The following UNC80 variants were observed in gnomAD, a reference collection of about 807,000 sequenced individuals.
The protein encoded by UNC80 is unc-80 subunit of NALCN channel complex.
UNC80 carries 164 observed loss-of-function variants against 384.6 expected under a neutral mutation model. That is an observed-to-expected ratio of 0.43 (90% CI 0.38 to 0.49). The LOEUF is 0.49. Ranked by LOEUF, UNC80 falls within the 20% of genes least tolerant of loss-of-function variation. The pLI is 0.00. For synonymous variants in UNC80, 1,486 were observed against 1,527.8 expected (o/e 0.97, Z 0.64); for missense variants, 3,330 against 4,143.0 (o/e 0.80, Z 5.39).
intron 14 of UNC80, among the ~76,000 whole-genome samples, chr2:209,827,545 T>C (rs2080629189): frequency 6.6e-6 from 1 of 152,152 alleles, no homozygotes; most frequent in Admixed American, 6.6e-5. Flanking sequence ...GTTCTGCCTG[T>C]CTAATCAATT....
At chr2:209,995,270 A>T in intron 64 of UNC80, 59 bp from the exon 65 acceptor site, 8 of 1,523,690 alleles carry the variant, frequency 5.3e-6, no homozygotes, top group Admixed American at 4.2e-5. Context: ...ACATTTTTTG[A>T]TGTTCTTCTC....
intron 48 of UNC80, 73 bp downstream of exon 48, chr2:209,954,343 A>G (rs1459729220): frequency 6.7e-6 from 9 of 1,346,104 alleles, no homozygotes; most frequent in Non-Finnish European, 8.7e-6. Flanking sequence ...ATAAGAAAAA[A>G]ATGTGATGGA....
chr2:209,813,487 A>G, intron 7 of UNC80, 93 bp from the exon 8 acceptor site: 1 of 1,331,684 alleles, frequency 7.5e-7, no homozygotes, highest in East Asian at 2.5e-5. Context: ...GAATAACTAA[A>G]CAAATGAGAA....
At chr2:209,916,285 C>A (rs542104834) in intron 31 of UNC80, among the ~76,000 whole-genome samples, 1 of 152,230 alleles carries the variant, frequency 6.6e-6, no homozygotes, top group East Asian at 1.9e-4. Flanking sequence ...GGAAGAAGCC[C>A]AGCCAGAAAA....
Position 209,820,583 on chromosome 2 carries a change from A to G in UNC80, c.2235A>G (p.Gly745=), listed in dbSNP as rs1234228593. ...CTGGAGATGGTGGAGGAGAAGAAGG[A>G]GGAGGTGGAGATGGAGGAGGTGGAG... The part of the protein sequence containing the change: ...SGAGDGGGEE[G]GGGDGGGGGG... Residue 745 remains glycine (G), a synonymous_variant, in exon 13 of 65, where the codon GGA becomes GGG. Coordinates refer to ENST00000673920, the MANE Select transcript of UNC80 (RefSeq NM_001371986.1). The G allele has an allele frequency of 6.4e-7, 1 of 1,550,914 alleles. No individual in the cohort carries two copies. Among genetic ancestry groups the G allele is most frequent in the Admixed American group, 2.0e-5 (1 of 50,896 alleles).
intron 47 of UNC80, 82 bp from the exon 48 acceptor site, chr2:209,954,018 A>C: frequency 7.1e-7 from 1 of 1,402,996 alleles, no homozygotes; most frequent in Non-Finnish European, 9.4e-7. Context: ...GATGCTTTTC[A>C]TTGTTCTATG....
At chr2:209,822,422 A>G (rs922422339) in intron 13 of UNC80, among the ~76,000 whole-genome samples, 2 of 152,206 alleles carry the variant, frequency 1.3e-5, no homozygotes, top group Admixed American at 1.3e-4. Flanking sequence ...AATACAAGTT[A>G]TAAGGCCCAA....
intron 59 of UNC80, among the ~76,000 whole-genome samples, chr2:209,981,589 CA>C (rs72544091): frequency 2.1e-5 from 1 of 47,666 alleles, no homozygotes; most frequent in Non-Finnish European, 5.5e-5. Flanking sequence ...AAACAAAAAA[CA>C]AACAAACCAA....
chr2:209,894,861 C>T lies in UNC80; in HGVS notation c.4480+495C>T, dbSNP rs181750149. Among the ~76,000 whole-genome samples, 250 of 152,278 alleles carry T rather than the reference C, an allele frequency of 1.6e-3. 1 individual carries two copies. The highest frequency in any genetic ancestry group is 5.8e-3 in the African/African-American group (241 of 41,558). ...CTCTATATTTTAAAGTCTCTATTTA[C>T]CAGTATGAACAACCAAAATCTCAGA... On this transcript the variant is annotated intron_variant, in intron 27 of 64. Coordinates refer to ENST00000673920, the MANE Select transcript of UNC80 (RefSeq NM_001371986.1).
Position 209,976,992 on chromosome 2 carries a change from T to A in UNC80, c.8852T>A (p.Ile2951Lys). Residue 2951 changes from isoleucine (I) to lysine (K), a missense_variant, in exon 58 of 65, where the codon ATA (isoleucine) becomes AAA (lysine). Coordinates refer to ENST00000673920, the MANE Select transcript of UNC80 (RefSeq NM_001371986.1). This position sits in a 1 kb window ranked among gnomAD's most constrained non-coding sequence, Gnocchi z 4.3. ...HIADQLERRF[I>K]PRPLCKSSLI... Reference sequence around the variant, plus strand: ...GCCGACCAGCTGGAGCGGCGCTTCATACCACGCCCTTTGTGTAAGAGCTCG... The same window carrying A: ...GCCGACCAGCTGGAGCGGCGCTTCAAACCACGCCCTTTGTGTAAGAGCTCG... 6.5e-7 allele frequency: 1 copy of A among 1,539,446 alleles called. No individual in the cohort carries two copies. Among genetic ancestry groups the A allele is most frequent in the South Asian group, 1.2e-5 (1 of 83,554 alleles).
In UNC80 at chr2:209,995,783, G is replaced by C. The variant is rs1296879919; in HGVS notation, c.*188G>C. ...TTCATAAACATCTTAAAAGTCAATGGCTAAAAGGATTTAGTTGTGTGAAAA... is the reference window on the plus strand; with the variant it reads ...TTCATAAACATCTTAAAAGTCAATGCCTAAAAGGATTTAGTTGTGTGAAAA... On this transcript the variant is annotated 3_prime_UTR_variant, in exon 65 of 65. Coordinates refer to ENST00000673920, the MANE Select transcript of UNC80 (RefSeq NM_001371986.1). The C allele has an allele frequency of 1.6e-6, 1 of 645,080 alleles. No individual in the cohort carries two copies. The highest frequency in any genetic ancestry group is 2.5e-6 in the Non-Finnish European group (1 of 392,808). The allele number at this position is 645,080 out of a possible 1,614,324, so 40.0% of individuals were successfully genotyped here. A position where few individuals can be genotyped will look rare whatever the true frequency, so the allele number is the denominator to read the frequency against.
In UNC80 at chr2:209,813,975, C is replaced by G. The variant is rs2079547773; in HGVS notation, c.1200+134C>G. ...TGGTGGGTTACACTGTTTCTATTAT[C>G]TTTTCCCTTCCATCTTGCATGCTTG... On this transcript the variant is annotated intron_variant, in intron 8 of 64. Transcript: ENST00000673920. The G allele has an allele frequency of 2.4e-5, 27 of 1,126,722 alleles. No individual in the cohort carries two copies. The South Asian group carries it at 4.6e-4, about 19-fold the overall frequency. 69.8% of individuals were successfully genotyped at this position (1,126,722 alleles called of 1,614,324 possible).
rs1019982297 is a variant in UNC80, at chr2:209,802,017, T to C, written c.938+8158T>C. Among the ~76,000 whole-genome samples, 9 of 152,304 alleles carry C rather than the reference T, an allele frequency of 5.9e-5. No individual in the cohort carries two copies. In the South Asian group the frequency reaches 1.2e-3, roughly 21 times the overall value. On this transcript the variant is annotated intron_variant, in intron 7 of 64. Coordinates refer to ENST00000673920, the MANE Select transcript of UNC80 (RefSeq NM_001371986.1). ...ATTTTGGTTGTGTAAACAGGGTTGT[T>C]TGTATTTATCCACTGATTTACTGTC...
intron 25 of UNC80, among the ~76,000 whole-genome samples, chr2:209,881,561 G>C (rs1020414852): frequency 6.6e-6 from 1 of 151,908 alleles, no homozygotes; most frequent in Non-Finnish European, 1.5e-5. Context: ...AACGTACATT[G>C]TTATTTCTGT....
At chr2:209,918,920 T>C (rs2089795546) in intron 33 of UNC80, among the ~76,000 whole-genome samples, 1 of 152,208 alleles carries the variant, frequency 6.6e-6, no homozygotes. Context: ...GGCATTGATT[T>C]CTTGGCCAAA....
intron 28 of UNC80, among the ~76,000 whole-genome samples, chr2:209,898,980 T>C (rs562734392): frequency 1.3e-5 from 2 of 152,224 alleles, no homozygotes; most frequent in Non-Finnish European, 2.9e-5. Context: ...AGTAGTACTC[T>C]ATTGTGTATA....
chr2:209,933,103 A>G (rs1211113007), intron 38 of UNC80, among the ~76,000 whole-genome samples: 1 of 152,236 alleles, frequency 6.6e-6, no homozygotes, highest in Non-Finnish European at 1.5e-5. Context: ...AGGATAATTG[A>G]AAGTTATTTC....
intron 7 of UNC80, among the ~76,000 whole-genome samples, chr2:209,810,048 C>T (rs979120559): frequency 3.9e-5 from 6 of 152,194 alleles, no homozygotes; most frequent in Admixed American, 6.5e-5. Flanking sequence ...AATCCACCCC[C>T]AGTTTCAGCC....
chr2:209,808,091 C>T (rs999334683), intron 7 of UNC80, among the ~76,000 whole-genome samples: 1 of 152,218 alleles, frequency 6.6e-6, no homozygotes, highest in African/African-American at 2.4e-5. Flanking sequence ...ATCTGCTGAA[C>T]TAACATGCCC....
Sources: allele counts gnomAD v4.1 joint callset (sites outside exome capture counted in the v4.1 genomes callset), GRCh38; gene constraint gnomAD v4.1.1; non-coding constraint Gnocchi (gnomAD v3.1); transcripts MANE v1.5; gene names NCBI Gene and HGNC (gene_info 2026-07-23, HGNC 2026-07-21).